The following FIGN variants were observed in gnomAD, a reference collection of about 807,000 sequenced individuals.
FIGN encodes fidgetin, microtubule severing factor.
A neutral mutation model predicts 51.3 loss-of-function variants in FIGN; 11 were observed. That is an observed-to-expected ratio of 0.21 (90% CI 0.13 to 0.35). FIGN has a LOEUF of 0.35. FIGN is among the 10% of genes least tolerant of loss of function. The pLI is 1.00. For synonymous variants in FIGN, 407 were observed against 363.2 expected (o/e 1.12, Z -1.37); for missense variants, 857 against 943.6 (o/e 0.91, Z 1.20).
At chr2:163,701,758 C>T (rs966461620) in intron 2 of FIGN, among the ~76,000 whole-genome samples, 14 of 152,152 alleles carry the variant, frequency 9.2e-5, no homozygotes, top group African/African-American at 3.4e-4. Flanking sequence ...CAAATGTCCC[C>T]ATTTTTATTA....
chr2:163,614,572 G>C (rs968483776), intron 2 of FIGN, among the ~76,000 whole-genome samples: 1 of 151,908 alleles, frequency 6.6e-6, no homozygotes, highest in Non-Finnish European at 1.5e-5. Context: ...CATATGCTGT[G>C]AGTATAAATG....
chr2:163,604,677 T>C lies in FIGN; in HGVS notation c.*4875A>G, dbSNP rs1353109553. 6.6e-6 allele frequency: 1 copy of C among 151,954 alleles called. No individual in the cohort carries two copies. The highest frequency in any genetic ancestry group is 1.5e-5 in the Non-Finnish European group (1 of 67,964). The allele number at this position is 151,954 out of a possible 1,614,324, so 9.4% of individuals were successfully genotyped here. A position where few individuals can be genotyped will look rare whatever the true frequency, so the allele number is the denominator to read the frequency against. ...GTAGAAATGGTTATAAAGAACAATG[T>C]TTGAATATACATCAGATGAAAAAAG... On this transcript the variant is annotated 3_prime_UTR_variant, in exon 3 of 3. Coordinates refer to ENST00000333129, the MANE Select transcript of FIGN (RefSeq NM_018086.4).
chr2:163,659,686 T>C (rs192028057), intron 2 of FIGN, among the ~76,000 whole-genome samples: 416 of 152,312 alleles, frequency 2.7e-3, no homozygotes, highest in African/African-American at 9.7e-3. Context: ...GGCTAACTTT[T>C]AAAAAAGTAT....
intron 2 of FIGN, among the ~76,000 whole-genome samples, chr2:163,675,543 G>A (rs2105335577): frequency 6.6e-6 from 1 of 152,238 alleles, no homozygotes; most frequent in East Asian, 1.9e-4. Context: ...CAAGTCTTCT[G>A]GGTGACTCTA....
At chr2:163,660,701 A>ATTTTTTT (rs1683641158) in intron 2 of FIGN, among the ~76,000 whole-genome samples, 1 of 122,178 alleles carries the variant, frequency 8.2e-6, no homozygotes, top group South Asian at 2.6e-4. Context: ...ATACATATAT[A>ATTTTTTT]TGTATACACA....
At chr2:163,620,157 C>A (rs983028944) in intron 2 of FIGN, among the ~76,000 whole-genome samples, 6 of 151,928 alleles carry the variant, frequency 3.9e-5, no homozygotes, top group South Asian at 4.2e-4. Flanking sequence ...CTGATTTTCC[C>A]ATATTTAAAA....
Position 163,660,691 on chromosome 2 carries a change from A to ATACATATATATGTATACACATC in FIGN, c.26-48886_26-48885insGATGTGTATACATATATATGTA, listed in dbSNP as rs1683640720. Among the ~76,000 whole-genome samples, 4 of 125,066 alleles carry ATACATATATATGTATACACATC rather than the reference A, an allele frequency of 3.2e-5. 2 individuals are homozygous for ATACATATATATGTATACACATC. Among genetic ancestry groups the ATACATATATATGTATACACATC allele is most frequent in the Non-Finnish European group, 6.6e-5 (4 of 60,486 alleles). The allele number at this position is 125,066 out of a possible 152,430, so 82.0% of individuals were successfully genotyped here. On this transcript the variant is annotated intron_variant, in intron 2 of 2. Transcript: ENST00000333129. ...TATACATATATATATATATACACAT[A>ATACATATATATGTATACACATC]TACATATATATGTATACACATATAC...
intron 2 of FIGN, among the ~76,000 whole-genome samples, chr2:163,651,756 G>A (rs570255662): frequency 2.9e-4 from 44 of 152,290 alleles, no homozygotes; most frequent in African/African-American, 1.0e-3. Flanking sequence ...TTCTGTTTAG[G>A]AGATAAAAGA....
intron 2 of FIGN, among the ~76,000 whole-genome samples, chr2:163,680,906 C>A (rs992039764): frequency 1.3e-5 from 2 of 152,088 alleles, no homozygotes; most frequent in Non-Finnish European, 2.9e-5. Context: ...GCCTGTCTAG[C>A]AGAGAATAAG....
chr2:163,615,217 T>C (rs1682852568), intron 2 of FIGN, among the ~76,000 whole-genome samples: 1 of 152,190 alleles, frequency 6.6e-6, no homozygotes, highest in South Asian at 2.1e-4. Flanking sequence ...AAAGGCAAAA[T>C]TGTATTTTGT....
intron 2 of FIGN, among the ~76,000 whole-genome samples, chr2:163,696,818 C>T (rs1684326781): frequency 1.3e-5 from 2 of 151,144 alleles, no homozygotes; most frequent in Admixed American, 1.3e-4. Flanking sequence ...CATTTGCACA[C>T]CACCGTGTCT....
chr2:163,670,528 C>T (rs1683859968), intron 2 of FIGN, among the ~76,000 whole-genome samples: 1 of 152,170 alleles, frequency 6.6e-6, no homozygotes, highest in Admixed American at 6.5e-5. Flanking sequence ...TTCTACATGT[C>T]ATCTTTTCCA....
At chr2:163,654,476 G>T (rs1410673740) in intron 2 of FIGN, among the ~76,000 whole-genome samples, 2 of 152,176 alleles carry the variant, frequency 1.3e-5, no homozygotes, top group Non-Finnish European at 2.9e-5. Flanking sequence ...CTGGACCCTA[G>T]ATCTATTTGT....
chr2:163,661,463 C>G (rs1683682627), intron 2 of FIGN, among the ~76,000 whole-genome samples: 1 of 151,840 alleles, frequency 6.6e-6, no homozygotes, highest in South Asian at 2.1e-4. Context: ...ATGGTGTGAT[C>G]TCTGCTCACT....
chr2:163,631,502 G>A (rs1294074464), intron 2 of FIGN, among the ~76,000 whole-genome samples: 2 of 151,924 alleles, frequency 1.3e-5, no homozygotes, highest in Admixed American at 6.6e-5. Flanking sequence ...TAGCTTGAGC[G>A]TTCTCCTCCA....
intron 2 of FIGN, among the ~76,000 whole-genome samples, chr2:163,708,136 G>C (rs558631465): frequency 6.6e-6 from 1 of 152,062 alleles, no homozygotes; most frequent in East Asian, 1.9e-4. Flanking sequence ...TATTTTGATA[G>C]AATAGTTAGA....
At chr2:163,658,117 T>G (rs190502311) in intron 2 of FIGN, among the ~76,000 whole-genome samples, 123 of 152,292 alleles carry the variant, frequency 8.1e-4, no homozygotes, top group Non-Finnish European at 1.5e-3. Flanking sequence ...AATAAGTTGT[T>G]GTCTGCGGAA....
intron 2 of FIGN, among the ~76,000 whole-genome samples, chr2:163,730,927 A>T (rs1281881904): frequency 1.3e-5 from 2 of 152,184 alleles, no homozygotes; most frequent in African/African-American, 2.4e-5. Flanking sequence ...TGAAATCTGC[A>T]CTCAAGAATA....
intron 2 of FIGN, among the ~76,000 whole-genome samples, chr2:163,717,572 A>G (rs959964736): frequency 3.0e-4 from 46 of 152,098 alleles, no homozygotes; most frequent in Admixed American, 2.0e-4. Context: ...TTCAGAGGGA[A>G]AAAAAGCTGA....
Sources: allele counts gnomAD v4.1 joint callset (sites outside exome capture counted in the v4.1 genomes callset), GRCh38; gene constraint gnomAD v4.1.1; transcripts MANE v1.5; gene names NCBI Gene and HGNC (gene_info 2026-07-23, HGNC 2026-07-21).